Variants in RNF130 observed in about 807,000 individuals in gnomAD.
RNF130 encodes E3 ubiquitin-protein ligase RNF130.
In RNF130, 21 loss-of-function variants were observed where a neutral mutation model predicts 44.6. The observed-to-expected ratio is 0.47, with a 90% CI of 0.33 to 0.68. The LOEUF (loss-of-function observed/expected upper bound fraction) is 0.68, where lower values mean the gene tolerates loss of function less well. Ranked by LOEUF, RNF130 falls within the 30% of genes least tolerant of loss-of-function variation. RNF130 has a pLI of 0.02. For missense variants in RNF130, 479 were observed against 560.6 expected (o/e 0.85, Z 1.47); for synonymous variants, 214 against 210.4 (o/e 1.02, Z -0.15).
At chr5:179,946,702 C>T (rs1052410657) in intron 7 of RNF130, among the ~76,000 whole-genome samples, 11 of 151,864 alleles carry the variant, frequency 7.2e-5, no homozygotes, top group South Asian at 2.1e-4. Flanking sequence ...TACAGGCGCC[C>T]GCCACCACGC....
At chr5:180,018,095 G>C (rs1044490046) in intron 2 of RNF130, among the ~76,000 whole-genome samples, 4 of 152,162 alleles carry the variant, frequency 2.6e-5, no homozygotes, top group African/African-American at 9.7e-5. Context: ...AGGAGTTTGA[G>C]ACCAGCCTAG....
At chr5:180,015,357 T>C (rs1490459858) in intron 2 of RNF130, 1 of 533,712 alleles carries the variant, frequency 1.9e-6, no homozygotes, top group Non-Finnish European at 3.9e-6. Flanking sequence ...AAACGACATA[T>C]GACAATCAGT....
At chr5:180,033,439 T>C (rs1764177893) in intron 2 of RNF130, among the ~76,000 whole-genome samples, 1 of 152,246 alleles carries the variant, frequency 6.6e-6, no homozygotes, top group Non-Finnish European at 1.5e-5. Context: ...TACAATGGCT[T>C]TTGGGCAGGC....
exon 8 of RNF130, chr5:179,916,468 A>T (rs1322059715): frequency 6.6e-6 from 1 of 152,268 alleles, no homozygotes; most frequent in Non-Finnish European, 1.5e-5. Flanking sequence ...GAGCTTATAA[A>T]GCCAATAGAA....
intron 7 of RNF130, among the ~76,000 whole-genome samples, chr5:179,946,413 G>A (rs1190085130): frequency 6.6e-6 from 1 of 152,160 alleles, no homozygotes; most frequent in East Asian, 1.9e-4. Context: ...GCAAGACAAT[G>A]GACATTTCCC....
chr5:180,061,393 C>G (rs1764981835), intron 1 of RNF130, among the ~76,000 whole-genome samples: 1 of 152,208 alleles, frequency 6.6e-6, no homozygotes, highest in Non-Finnish European at 1.5e-5. Context: ...CTGGGATTCT[C>G]TTTGTATTAG....
chr5:179,979,353 G>A (rs1292874670), intron 4 of RNF130, among the ~76,000 whole-genome samples: 1 of 150,144 alleles, frequency 6.7e-6, no homozygotes, highest in African/African-American at 2.5e-5. Context: ...TGGTATCAAG[G>A]CAATGGGAAT....
At chr5:180,002,342 G>C (rs1164121100) in intron 3 of RNF130, among the ~76,000 whole-genome samples, 1 of 152,238 alleles carries the variant, frequency 6.6e-6, no homozygotes, top group Non-Finnish European at 1.5e-5. Context: ...TCCCAGCTCA[G>C]CCTGGAGATG....
At chr5:180,064,482 C>A (rs138603929) in intron 1 of RNF130, among the ~76,000 whole-genome samples, 103 of 152,290 alleles carry the variant, frequency 6.8e-4, no homozygotes, top group African/African-American at 2.5e-3. Flanking sequence ...TCTATTCCAC[C>A]GTTCCAAACA....
chr5:180,055,823 G>A (rs1015570667), intron 1 of RNF130, among the ~76,000 whole-genome samples: 1 of 152,100 alleles, frequency 6.6e-6, no homozygotes, highest in Non-Finnish European at 1.5e-5. Context: ...GTGGCTCATG[G>A]CTGTAATCCT....
chr5:179,954,642 T>C (rs977038319), downstream of RNF130, among the ~76,000 whole-genome samples: 22 of 152,226 alleles, frequency 1.4e-4, no homozygotes, highest in Non-Finnish European at 2.8e-4. Flanking sequence ...GTGGTGATGG[T>C]TGCACAACTG....
At chr5:180,036,335 C>G (rs1168212015) in intron 2 of RNF130, among the ~76,000 whole-genome samples, 1 of 152,198 alleles carries the variant, frequency 6.6e-6, no homozygotes, top group Non-Finnish European at 1.5e-5. Context: ...TTCCTAGGAA[C>G]TGCCCAGTCA....
chr5:179,960,880 A>C (rs1762312125), intron 8 of RNF130, among the ~76,000 whole-genome samples: 1 of 152,126 alleles, frequency 6.6e-6, no homozygotes, highest in East Asian at 1.9e-4. Flanking sequence ...TTGTAAGTTT[A>C]TTGGTAGATA....
At position 179,955,568 on chromosome 5, in the gene RNF130, G is replaced by C; in HGVS notation, c.*86C>G. On this transcript the variant is annotated 3_prime_UTR_variant, in exon 9 of 9. Transcript: ENST00000521389. ...TAAAATGTACTAAAAATAAATGCTT[G>C]TGTGGCATGATTGGTAAATGATGCA... 1 of 1,091,886 alleles carries C rather than the reference G, an allele frequency of 9.2e-7. No homozygotes were observed. The highest frequency in any genetic ancestry group is 1.3e-6 in the Non-Finnish European group (1 of 745,226). 67.6% of individuals were successfully genotyped at this position (1,091,886 alleles called of 1,614,324 possible).
At chr5:180,067,590 C>G (rs1765137321) in intron 1 of RNF130, among the ~76,000 whole-genome samples, 1 of 152,108 alleles carries the variant, frequency 6.6e-6, no homozygotes. Flanking sequence ...GAAGGAAAAA[C>G]ACGGTATGTA....
At chr5:179,932,193 CAAT>C (rs1271452433) in intron 7 of RNF130, among the ~76,000 whole-genome samples, 1 of 145,328 alleles carries the variant, frequency 6.9e-6, no homozygotes, top group Non-Finnish European at 1.5e-5. Flanking sequence ...ACTGTTGTAC[CAAT>C]TCTAATTGTA....
In RNF130 at chr5:179,965,552, C is replaced by T. The variant is rs1484510608; in HGVS notation, c.1150+1254G>A. 2.6e-5 allele frequency among the ~76,000 whole-genome samples: 4 copies of T among 152,150 alleles called. No individual in the cohort carries two copies. In the South Asian group the frequency reaches 6.2e-4, roughly 24 times the overall value. Reference sequence around the variant, plus strand: ...AGTAGGTGCTCAATAAATGTTTGATCAATGAAGGACCTGAAAAACTCACTA... The same window carrying T: ...AGTAGGTGCTCAATAAATGTTTGATTAATGAAGGACCTGAAAAACTCACTA... On this transcript the variant is annotated intron_variant, in intron 7 of 8. Coordinates refer to ENST00000521389, the MANE Select transcript of RNF130 (RefSeq NM_018434.6).
At chr5:180,057,832 G>A (rs1472596083) in intron 1 of RNF130, among the ~76,000 whole-genome samples, 5 of 152,164 alleles carry the variant, frequency 3.3e-5, no homozygotes, top group African/African-American at 4.8e-5. Context: ...ATCAAACTGA[G>A]TAGGGCGTTA....
chr5:180,068,224 T>C (rs1419531647), intron 1 of RNF130, among the ~76,000 whole-genome samples: 1 of 152,236 alleles, frequency 6.6e-6, no homozygotes, highest in Non-Finnish European at 1.5e-5. Flanking sequence ...AAAGCACATT[T>C]ACAATGTCTG....
Sources: gnomAD v4.1 joint callset for allele counts (sites outside exome capture counted in the v4.1 genomes callset) on GRCh38, gnomAD v4.1.1 for gene constraint, MANE v1.5 for transcripts, NCBI Gene and HGNC (gene_info 2026-07-23, HGNC 2026-07-21) for gene names.